UBE2D2: variants seen among roughly 807,000 people sequenced by gnomAD.
UBE2D2 encodes the protein ubiquitin-conjugating enzyme E2 D2.
UBE2D2 carries 2 observed loss-of-function variants against 24.2 expected under a neutral mutation model. The ratio of observed to expected loss-of-function variants is 0.08; its 90% CI spans 0.03 to 0.26. The LOEUF (loss-of-function observed/expected upper bound fraction) is 0.26. UBE2D2 is among the 10% of genes least tolerant of loss of function. The probability of loss-of-function intolerance (pLI) is 1.00; values close to 1 mark genes in which losing one functional copy is unlikely to be tolerated. For missense variants in UBE2D2, 44 were observed against 177.6 expected (o/e 0.25, Z 4.28); for synonymous variants, 58 against 56.5 (o/e 1.03, Z -0.12).
intron 1 of UBE2D2, among the ~76,000 whole-genome samples, chr5:139,534,324 T>C (rs1752637425): frequency 6.6e-6 from 1 of 151,866 alleles, no homozygotes; most frequent in Admixed American, 6.6e-5. Flanking sequence ...CCCAGCACTT[T>C]GGAAGCCTGA....
chr5:139,557,474 G>A (rs995488602), upstream of UBE2D2, among the ~76,000 whole-genome samples: 7 of 152,024 alleles, frequency 4.6e-5, no homozygotes, highest in African/African-American at 1.4e-4. Context: ...CCAGCTGGAC[G>A]CAATGGCTCA....
intron 1 of UBE2D2, among the ~76,000 whole-genome samples, chr5:139,572,511 G>A (rs983488435): frequency 1.1e-4 from 16 of 151,974 alleles, no homozygotes; most frequent in Admixed American, 7.9e-4. Context: ...CAGGAGGATC[G>A]CTTGAGCCCA....
At chr5:139,552,071 T>C (rs1192483467) in intron 1 of UBE2D2, among the ~76,000 whole-genome samples, 2 of 152,144 alleles carry the variant, frequency 1.3e-5, no homozygotes, top group African/African-American at 4.8e-5. Context: ...GTTCCCACTT[T>C]TGGCCATGAA....
At chr5:139,547,069 T>A (rs1308636546) in intron 1 of UBE2D2, among the ~76,000 whole-genome samples, 2 of 151,546 alleles carry the variant, frequency 1.3e-5, no homozygotes, top group Non-Finnish European at 2.9e-5. Flanking sequence ...TACGGGCGGA[T>A]CACGAGGTCA....
intron 1 of UBE2D2, 156 bp from the exon 2 acceptor site, chr5:139,600,216 A>T: frequency 1.2e-6 from 1 of 837,198 alleles, no homozygotes; most frequent in Non-Finnish European, 2.0e-6. Context: ...AAAATACCTT[A>T]AAGATTCACC....
chr5:139,568,813 A>C (rs1753295048), intron 1 of UBE2D2, among the ~76,000 whole-genome samples: 1 of 152,140 alleles, frequency 6.6e-6, no homozygotes, highest in African/African-American at 2.4e-5. Context: ...TCTACTAAAA[A>C]TATAAAAATT....
chr5:139,616,969 A>G (rs1754433901), intron 5 of UBE2D2, among the ~76,000 whole-genome samples: 1 of 152,088 alleles, frequency 6.6e-6, no homozygotes, highest in East Asian at 1.9e-4. Context: ...ATGACTTGAG[A>G]CCAGGAGTTC....
At chr5:139,539,086 G>T (rs1277891889) in intron 1 of UBE2D2, among the ~76,000 whole-genome samples, 3 of 151,616 alleles carry the variant, frequency 2.0e-5, no homozygotes, top group Non-Finnish European at 4.4e-5. Context: ...GTGCAGTGGT[G>T]CGATCTCAGC....
intron 1 of UBE2D2, among the ~76,000 whole-genome samples, chr5:139,551,234 TAC>T (rs1373245399): frequency 6.6e-6 from 1 of 152,052 alleles, no homozygotes; most frequent in African/African-American, 2.4e-5. Context: ...TAATTCCAGC[TAC>T]CCAGGAGGCT....
Position 139,566,919 on chromosome 5 carries a change from T to TA in UBE2D2, c.24+5115dup, listed in dbSNP as rs752090527. Among the ~76,000 whole-genome samples the TA allele has an allele frequency of 8.9e-3, 1,285 of 144,342 alleles. 8 individuals are homozygous for TA. The highest frequency in any genetic ancestry group is 0.043 in the Middle Eastern group (12 of 282). 94.7% of individuals were successfully genotyped at this position (144,342 alleles called of 152,430 possible). A position where few individuals can be genotyped will look rare whatever the true frequency, so the allele number is the denominator to read the frequency against. ...AGATTTTTTGGCAACCGATTCAACTTAAAAAAAAAAAGAACAACAAAATAC... is the reference window on the plus strand; with the variant it reads ...AGATTTTTTGGCAACCGATTCAACTTAAAAAAAAAAAAGAACAACAAAATAC... On this transcript the variant is annotated intron_variant, in intron 1 of 6. Transcript: ENST00000398733.
intron 5 of UBE2D2, among the ~76,000 whole-genome samples, chr5:139,622,625 C>G (rs1298751072): frequency 6.6e-6 from 1 of 151,506 alleles, no homozygotes; most frequent in Non-Finnish European, 1.5e-5. Context: ...TGCAGTGGCT[C>G]ACGCCTGTAA....
chr5:139,562,164 G>A, intron 1 of UBE2D2: 1 of 1,334,718 alleles, frequency 7.5e-7, no homozygotes, highest in Admixed American at 2.6e-5. Context: ...GGGGGCGCTG[G>A]GGCGTTGGGC....
intron 1 of UBE2D2, among the ~76,000 whole-genome samples, chr5:139,598,919 CTTTTTTTTT>C (rs36027909): frequency 4.2e-4 from 32 of 76,232 alleles, no homozygotes; most frequent in East Asian, 4.0e-3. Flanking sequence ...AAATATATTC[CTTTTTTTTT>C]TTTTTTTTTT....
At chr5:139,552,629 C>T (rs1318199451) in intron 1 of UBE2D2, among the ~76,000 whole-genome samples, 3 of 150,512 alleles carry the variant, frequency 2.0e-5, no homozygotes, top group East Asian at 1.9e-4. Context: ...CTGCCTCAGC[C>T]TCCCGAGTAG....
chr5:139,599,986 G>C lies in UBE2D2; in HGVS notation c.25-386G>C, dbSNP rs111808035. Among the ~76,000 whole-genome samples the C allele has an allele frequency of 9.4e-4, 143 of 151,934 alleles. 3 individuals carry two copies. In the Middle Eastern group the frequency reaches 0.01, roughly 11 times the overall value. Reference sequence around the variant, plus strand: ...GCCCAGCTAATTTTTTCTATCTTCAGTAGAGACAGGCTTGTTGGCCAGGCT... The same window carrying C: ...GCCCAGCTAATTTTTTCTATCTTCACTAGAGACAGGCTTGTTGGCCAGGCT... On this transcript the variant is annotated intron_variant, in intron 1 of 6. Coordinates refer to ENST00000398733, the MANE Select transcript of UBE2D2 (RefSeq NM_003339.3).
chr5:139,583,981 TAAAA>T (rs1363915470), intron 1 of UBE2D2, among the ~76,000 whole-genome samples: 1 of 152,074 alleles, frequency 6.6e-6, no homozygotes, highest in Non-Finnish European at 1.5e-5. Context: ...AAAAGTAAAT[TAAAA>T]AAATAATAAG....
chr5:139,619,404 A>T (rs910998928), intron 5 of UBE2D2, among the ~76,000 whole-genome samples: 1 of 151,904 alleles, frequency 6.6e-6, no homozygotes, highest in South Asian at 2.1e-4. Flanking sequence ...TCAAAAAAAA[A>T]AAAAAAGTAA....
intron 1 of UBE2D2, among the ~76,000 whole-genome samples, chr5:139,529,714 A>G (rs1561494692): frequency 6.6e-6 from 1 of 152,286 alleles, no homozygotes; most frequent in Admixed American, 6.5e-5. Flanking sequence ...ATAAAAGGAG[A>G]GGTTCAAAAA....
chr5:139,582,132 G>A (rs1753617272), intron 1 of UBE2D2, among the ~76,000 whole-genome samples: 1 of 151,856 alleles, frequency 6.6e-6, no homozygotes, highest in South Asian at 2.1e-4. Flanking sequence ...GTGTACAGGT[G>A]TATAGGCACT....
Sources: gnomAD v4.1 joint callset for allele counts (sites outside exome capture counted in the v4.1 genomes callset) on GRCh38, gnomAD v4.1.1 for gene constraint, MANE v1.5 for transcripts, NCBI Gene and HGNC (gene_info 2026-07-23, HGNC 2026-07-21) for gene names.